DYM: variants seen among roughly 807,000 people sequenced by gnomAD.
DYM encodes the protein dyggve-Melchior-Clausen syndrome protein.
DYM carries 78 observed loss-of-function variants against 93.1 expected under a neutral mutation model. That is an observed-to-expected ratio of 0.84 (90% CI 0.70 to 1.01). The LOEUF (loss-of-function observed/expected upper bound fraction) is 1.01. DYM is among the 50% of genes least tolerant of loss of function. The pLI is 0.00. For synonymous variants in DYM, 321 were observed against 319.7 expected (o/e 1.00, Z -0.04); for missense variants, 789 against 845.0 (o/e 0.93, Z 0.82).
chr18:49,212,198 TGAAA>T (rs1177491914), intron 13 of DYM, among the ~76,000 whole-genome samples: 1 of 152,154 alleles, frequency 6.6e-6, no homozygotes, highest in Non-Finnish European at 1.5e-5. Flanking sequence ...TTAAAAAAGA[TGAAA>T]GAAGACAACT....
At chr18:49,209,361 T>C (rs2092674738) in intron 14 of DYM, among the ~76,000 whole-genome samples, 190 bp downstream of exon 14, 1 of 152,242 alleles carries the variant, frequency 6.6e-6, no homozygotes, top group South Asian at 2.1e-4. Context: ...TGAAACATAA[T>C]ATAAATTACT....
intron 14 of DYM, among the ~76,000 whole-genome samples, chr18:49,208,313 A>G (rs534104330): frequency 1.3e-5 from 2 of 152,134 alleles, no homozygotes. Context: ...AATTCCTGAG[A>G]GTATCATGCA....
intron 17 of DYM, among the ~76,000 whole-genome samples, chr18:49,061,651 G>A (rs766720229): frequency 1.3e-5 from 2 of 152,188 alleles, no homozygotes; most frequent in Admixed American, 6.5e-5. Flanking sequence ...GGGTCTAGGC[G>A]ATGGGGGCTG....
intron 16 of DYM, among the ~76,000 whole-genome samples, chr18:49,101,157 G>A (rs1240794802): frequency 3.3e-5 from 5 of 152,172 alleles, no homozygotes; most frequent in African/African-American, 7.2e-5. Flanking sequence ...TATTAAAATA[G>A]ATGAACTTTT....
intron 6 of DYM, among the ~76,000 whole-genome samples, chr18:49,341,274 AG>A (rs2064100820): frequency 6.6e-6 from 1 of 152,122 alleles, no homozygotes; most frequent in Non-Finnish European, 1.5e-5. Context: ...GTGGATCACG[AG>A]GTCAGGAGAT....
chr18:49,099,737 C>A (rs756313479), intron 16 of DYM, among the ~76,000 whole-genome samples: 1 of 152,116 alleles, frequency 6.6e-6, no homozygotes, highest in Non-Finnish European at 1.5e-5. Context: ...TATTCACCCA[C>A]GGTAAGATGC....
At chr18:49,203,899 C>A (rs4939850) in intron 14 of DYM, among the ~76,000 whole-genome samples, 2,415 of 103,572 alleles carry the variant, frequency 0.023, 5 homozygotes, top group East Asian at 0.034. Flanking sequence ...AAAAAAAAAA[C>A]AACTCTGGGT....
At chr18:49,277,913 T>C (rs751417310) in intron 10 of DYM, among the ~76,000 whole-genome samples, 1 of 152,202 alleles carries the variant, frequency 6.6e-6, no homozygotes, top group Non-Finnish European at 1.5e-5. Flanking sequence ...CATGCAGCAA[T>C]GCAGTCAAAT....
Position 49,190,853 on chromosome 18 carries a change from C to T in DYM, c.1625+18698G>A, listed in dbSNP as rs907620267. Among the ~76,000 whole-genome samples, 7 of 152,060 alleles carry T rather than the reference C, an allele frequency of 4.6e-5. No homozygotes were observed. In the East Asian group the frequency reaches 7.7e-4, roughly 17 times the overall value. Reference sequence around the variant, plus strand: ...AGACCTTTATGATGATCCATTTCTACGTAATAAATAGTGATTTTCTTAATA... The same window carrying T: ...AGACCTTTATGATGATCCATTTCTATGTAATAAATAGTGATTTTCTTAATA... On this transcript the variant is annotated intron_variant, in intron 14 of 17. Transcript: ENST00000675505.
chr18:49,051,251 G>A (rs2072401940), intron 17 of DYM, among the ~76,000 whole-genome samples: 1 of 152,160 alleles, frequency 6.6e-6, no homozygotes, highest in Admixed American at 6.5e-5. Context: ...AACCTTTTGT[G>A]GCCGTGTTTC....
intron 8 of DYM, among the ~76,000 whole-genome samples, chr18:49,297,661 T>C (rs1423241091): frequency 6.6e-6 from 1 of 152,228 alleles, no homozygotes; most frequent in African/African-American, 2.4e-5. Context: ...CAAGTGCTTA[T>C]GTTTTTATGT....
intron 15 of DYM, among the ~76,000 whole-genome samples, chr18:49,145,134 T>TATATATATATATATATATA (rs1555778609): frequency 1.3e-4 from 10 of 79,560 alleles, no homozygotes; most frequent in African/African-American, 2.2e-4. Flanking sequence ...TATATATATA[T>TATATATATATATATATATA]AATTTATATA....
chr18:49,408,711 G>C (rs899815001), intron 2 of DYM, among the ~76,000 whole-genome samples: 6 of 152,262 alleles, frequency 3.9e-5, no homozygotes, highest in Admixed American at 6.5e-5. Flanking sequence ...AACCCATAAA[G>C]GGTATGATGT....
chr18:49,122,861 C>A (rs2082502708), intron 15 of DYM, among the ~76,000 whole-genome samples: 1 of 152,216 alleles, frequency 6.6e-6, no homozygotes, highest in East Asian at 1.9e-4. Flanking sequence ...ACAACCTAGT[C>A]TCTTCCATAA....
At chr18:49,319,822 C>CCT (rs2062324702) in intron 8 of DYM, among the ~76,000 whole-genome samples, 1 of 152,152 alleles carries the variant, frequency 6.6e-6, no homozygotes, top group Non-Finnish European at 1.5e-5. Context: ...TGCTTCTCTC[C>CCT]CTCTCTTCCT....
chr18:49,183,348 G>T (rs1037597184), intron 14 of DYM, among the ~76,000 whole-genome samples: 1 of 152,092 alleles, frequency 6.6e-6, no homozygotes, highest in Non-Finnish European at 1.5e-5. Flanking sequence ...GGCACCATCA[G>T]GAAGGACAAA....
rs1012440657 is a variant in DYM at position 49,152,605 on chromosome 18, CAT to C, written c.1728+11078_1728+11079del. On this transcript the variant is annotated intron_variant, in intron 15 of 17. Transcript: ENST00000675505. ...CTCAAATAATTAAAAATAGAATGAC[CAT>C]ATGATCCAACAATTCCACTTCTGGG... Among the ~76,000 whole-genome samples, 36 of 152,216 alleles carry C rather than the reference CAT, an allele frequency of 2.4e-4. 1 individual carries two copies. Among genetic ancestry groups the C allele is most frequent in the Admixed American group, 2.0e-3 (31 of 15,282 alleles).
In DYM at chr18:49,258,040, A is replaced by C. The variant is rs150551536; in HGVS notation, c.1365+340T>G. Among the ~76,000 whole-genome samples the C allele has an allele frequency of 3.0e-3, 462 of 152,204 alleles. 1 individual carries two copies. Among genetic ancestry groups the C allele is most frequent in the African/African-American group, 0.01 (434 of 41,526 alleles). On this transcript the variant is annotated intron_variant, in intron 12 of 17. Coordinates refer to ENST00000675505, the MANE Select transcript of DYM (RefSeq NM_001353214.3). ...CTACCTTTCTTTTTCATTTTAATTCATATTTTCTTGTGCTCATATCCTCTT... is the reference window on the plus strand; with the variant it reads ...CTACCTTTCTTTTTCATTTTAATTCCTATTTTCTTGTGCTCATATCCTCTT...
intron 6 of DYM, among the ~76,000 whole-genome samples, chr18:49,335,165 G>A (rs2063571173): frequency 6.6e-6 from 1 of 152,044 alleles, no homozygotes; most frequent in African/African-American, 2.4e-5. Flanking sequence ...TATAAAAAAA[G>A]AAAAACACAA....
Sources: allele counts gnomAD v4.1 joint callset (sites outside exome capture counted in the v4.1 genomes callset), GRCh38; gene constraint gnomAD v4.1.1; transcripts MANE v1.5; gene names NCBI Gene and HGNC (gene_info 2026-07-23, HGNC 2026-07-21).